The following ARHGAP31 variants were observed in gnomAD, a reference collection of about 807,000 sequenced individuals.
The protein encoded by ARHGAP31 is Rho GTPase activating protein 31, also known as rho GTPase-activating protein 31.
ARHGAP31 carries 34 observed loss-of-function variants against 113.9 expected under a neutral mutation model. That is an observed-to-expected ratio of 0.30 (90% confidence interval 0.23 to 0.40). The LOEUF (loss-of-function observed/expected upper bound fraction) is 0.40, where lower values mean the gene tolerates loss of function less well. Ranked by LOEUF, ARHGAP31 falls within the 10% of genes least tolerant of loss-of-function variation. ARHGAP31 has a pLI of 1.00. For missense variants in ARHGAP31, 1,548 were observed against 1,767.1 expected (o/e 0.88, Z 2.22); for synonymous variants, 650 against 684.8 (o/e 0.95, Z 0.79).
Position 119,409,655 on chromosome 3 carries a change from T to C in ARHGAP31, c.1805T>C (p.Leu602Ser). The change falls in exon 11 of 12, where the codon TTA (leucine) becomes TCA (serine). Residue 602 changes from leucine (L) to serine (S), a missense_variant. Leu to Ser is a moderately radical substitution (Grantham distance 145). Transcript: ENST00000264245. ...SSLSSQHLNELEKRPNPEKVV... is the reference protein window; with the variant it reads ...SSLSSQHLNESEKRPNPEKVV... ...TTGAGCTCTCAACATTTAAATGAAT[T>C]AGAGAAGAGGCCAAATCCGGAGAAG... 3 of 1,612,492 alleles carry C rather than the reference T, an allele frequency of 1.9e-6. No individual in the cohort carries two copies. The highest frequency in any genetic ancestry group is 2.5e-6 in the Non-Finnish European group (3 of 1,179,290).
At chr3:119,300,842 A>AAAAGAAAGAAAGAAAGAAAGAAAG (rs543721008) in intron 1 of ARHGAP31, among the ~76,000 whole-genome samples, 1 of 139,040 alleles carries the variant, frequency 7.2e-6, no homozygotes, top group East Asian at 2.0e-4. Context: ...AAAAAAAAAA[A>AAAAGAAAGAAAGAAAGAAAGAAAG]AAAGAAAGAA....
intron 1 of ARHGAP31, among the ~76,000 whole-genome samples, chr3:119,341,106 T>C (rs2080004257): frequency 6.6e-6 from 1 of 152,148 alleles, no homozygotes; most frequent in South Asian, 2.1e-4. Context: ...CTTGATGCTA[T>C]AGAGGAGTTG....
rs1444416581 is a variant in ARHGAP31, at chr3:119,417,647, G to C, written c.*1383G>C. On this transcript the variant is annotated 3_prime_UTR_variant, in exon 12 of 12. Transcript: ENST00000264245. Reference sequence around the variant, plus strand: ...TTCCCCTCATCCACCGCCCACTCCAGGCACTCACTCAAACTTGCTCTTCAA... The same window carrying C: ...TTCCCCTCATCCACCGCCCACTCCACGCACTCACTCAAACTTGCTCTTCAA... The C allele has an allele frequency of 6.6e-6, 1 of 151,636 alleles. No individual in the cohort carries two copies. Among genetic ancestry groups the C allele is most frequent in the Admixed American group, 6.6e-5 (1 of 15,222 alleles). The allele number at this position is 151,636 out of a possible 1,614,324, so 9.4% of individuals were successfully genotyped here.
chr3:119,377,738 C>G (rs1251078863), intron 3 of ARHGAP31, among the ~76,000 whole-genome samples: 1 of 150,450 alleles, frequency 6.6e-6, no homozygotes, highest in Non-Finnish European at 1.5e-5. Context: ...TTGTACATTC[C>G]TTTGGATGCT....
chr3:119,399,902 C>T (rs1048739713), intron 9 of ARHGAP31, among the ~76,000 whole-genome samples: 1 of 152,222 alleles, frequency 6.6e-6, no homozygotes, highest in East Asian at 1.9e-4. Flanking sequence ...TTTGTTCTCA[C>T]AGCTGTATCC....
At chr3:119,396,071 G>A (rs2080548306) in intron 8 of ARHGAP31, among the ~76,000 whole-genome samples, 1 of 152,138 alleles carries the variant, frequency 6.6e-6, no homozygotes, top group South Asian at 2.1e-4. Context: ...GTAATGAAAA[G>A]TCAAAAAATA....
rs1474405934 is a variant in ARHGAP31, at chr3:119,297,861, A to G, written c.100+2857A>G. Among the ~76,000 whole-genome samples the G allele has an allele frequency of 2.0e-5, 3 of 151,614 alleles. No individual in the cohort carries two copies. The South Asian group carries it at 6.2e-4, about 31-fold the overall frequency. ...AGACATTGCTCAGGGCCAGTTGTCA[A>G]CCTTAATCTTTGGGAAGCTGATGAG... is the stretch of plus-strand genomic sequence containing the variant. On this transcript the variant is annotated intron_variant, in intron 1 of 11. Coordinates refer to ENST00000264245, the MANE Select transcript of ARHGAP31 (RefSeq NM_020754.4).
intron 1 of ARHGAP31, among the ~76,000 whole-genome samples, chr3:119,353,926 A>G (rs1463648213): frequency 6.6e-6 from 1 of 152,148 alleles, no homozygotes; most frequent in Non-Finnish European, 1.5e-5. Context: ...CCCTCAGTGC[A>G]TCTGCTTTGG....
intron 3 of ARHGAP31, among the ~76,000 whole-genome samples, chr3:119,371,478 A>G (rs4687998): frequency 0.33 from 49,567 of 152,082 alleles, 8,944 homozygotes; most frequent in African/African-American, 0.47. Flanking sequence ...CTCTATATAC[A>G]TAGGATCTAG....
intron 2 of ARHGAP31, 149 bp from the exon 3 acceptor site, chr3:119,368,223 G>T: frequency 9.9e-7 from 1 of 1,010,666 alleles, no homozygotes; most frequent in Non-Finnish European, 1.5e-6. Flanking sequence ...ACTTCCTAGG[G>T]CCTGGAGTAG....
intron 1 of ARHGAP31, among the ~76,000 whole-genome samples, chr3:119,328,575 T>C (rs2079865461): frequency 6.6e-6 from 1 of 152,212 alleles, no homozygotes; most frequent in Non-Finnish European, 1.5e-5. Flanking sequence ...ATACCTATTG[T>C]ATCCCTTTTC....
intron 1 of ARHGAP31, among the ~76,000 whole-genome samples, chr3:119,296,349 C>A (rs933550199): frequency 1.3e-5 from 2 of 152,218 alleles, no homozygotes; most frequent in Non-Finnish European, 2.9e-5. Context: ...ATTGAATCCT[C>A]ACCAACCATC....
At chr3:119,342,461 G>A (rs1247640891) in intron 1 of ARHGAP31, among the ~76,000 whole-genome samples, 3 of 152,210 alleles carry the variant, frequency 2.0e-5, no homozygotes, top group Admixed American at 6.5e-5. Context: ...GTTTCAGTAA[G>A]GTTCTTAAAA....
intron 1 of ARHGAP31, among the ~76,000 whole-genome samples, chr3:119,355,810 T>C (rs1230547485): frequency 1.3e-5 from 2 of 152,252 alleles, no homozygotes; most frequent in East Asian, 3.8e-4. Flanking sequence ...ACAAAGGACA[T>C]GAACTCATCC....
intron 10 of ARHGAP31, among the ~76,000 whole-genome samples, chr3:119,406,084 TA>T (rs562418589): frequency 6.6e-5 from 10 of 152,246 alleles, no homozygotes; most frequent in African/African-American, 2.2e-4. Context: ...CAAGGCCTGT[TA>T]GGGGAGTGTG....
intron 11 of ARHGAP31, among the ~76,000 whole-genome samples, chr3:119,411,296 A>G (rs1013149335): frequency 2.0e-5 from 3 of 152,178 alleles, no homozygotes; most frequent in African/African-American, 7.2e-5. Context: ...GGAGGCACGA[A>G]TGCATCAGGA....
At chr3:119,385,717 A>G (rs554299839) in intron 6 of ARHGAP31, among the ~76,000 whole-genome samples, 3 of 152,370 alleles carry the variant, frequency 2.0e-5, no homozygotes, top group African/African-American at 7.2e-5. Context: ...TATTTTATAC[A>G]TGAAGAACCA....
rs778622719 is a variant in ARHGAP31 at position 119,414,235 on chromosome 3, T to C, written c.2306T>C (p.Val769Ala). 3.1e-6 allele frequency: 5 copies of C among 1,614,174 alleles called. No homozygotes were observed. The highest frequency in any genetic ancestry group is 3.4e-6 in the Non-Finnish European group (4 of 1,180,022). The change falls in exon 12 of 12, where the codon GTG (valine) becomes GCG (alanine). Residue 769 changes from valine to alanine, a missense_variant. Physicochemically the swap from Val to Ala is moderately conservative, Grantham distance 64. Coordinates refer to ENST00000264245, the MANE Select transcript of ARHGAP31 (RefSeq NM_020754.4). ...GAGAAGGCATCTCCACAAGCAACAG[T>C]GGAAGTAGGAGGCCCAGGCAATCTG... is the stretch of plus-strand genomic sequence containing the variant. ...PFEKASPQAT[V>A]EVGGPGNLSP...
Position 119,368,393 on chromosome 3 carries a change from A to G in ARHGAP31, c.225A>G (p.Gln75=), listed in dbSNP as rs142578368. The G allele has an allele frequency of 4.5e-5, 72 of 1,614,200 alleles. No individual in the cohort carries two copies. The Middle Eastern group carries it at 4.9e-4, about 11-fold the overall frequency. ...TCAGGCAAGAGTTTGGCTCAGATCA[A>G]TGTCCAGATCTGACAAGGGAAGTGT... ...QRLRQEFGSD[Q]CPDLTREVYL... The change falls in exon 3 of 12, where the codon CAA becomes CAG. Residue 75 remains glutamine, a synonymous_variant. Coordinates refer to ENST00000264245, the MANE Select transcript of ARHGAP31 (RefSeq NM_020754.4).
Sources: allele counts gnomAD v4.1 joint callset (sites outside exome capture counted in the v4.1 genomes callset), GRCh38; gene constraint gnomAD v4.1.1; transcripts MANE v1.5; gene names NCBI Gene and HGNC (gene_info 2026-07-23, HGNC 2026-07-21).